CNTNAP2: variants seen among roughly 807,000 people sequenced by gnomAD.
CNTNAP2 encodes the protein contactin associated protein 2.
Under a neutral mutation model 155.2 loss-of-function variants are expected in CNTNAP2, and 98 were observed. The observed-to-expected ratio is 0.63, with a 90% CI of 0.54 to 0.75. The LOEUF (loss-of-function observed/expected upper bound fraction) is 0.75, where lower values mean the gene tolerates loss of function less well. Ranked by LOEUF, CNTNAP2 falls within the 30% of genes least tolerant of loss-of-function variation. CNTNAP2 has a pLI of 0.00. For synonymous variants in CNTNAP2, 651 were observed against 631.2 expected, an observed-to-expected ratio of 1.03 and a Z score of -0.47; for missense variants, 1,727 against 1,688.1, an observed-to-expected ratio of 1.02 and a Z score of -0.40.
intron 1 of CNTNAP2, among the ~76,000 whole-genome samples, chr7:146,463,442 A>G (rs1389910245): frequency 2.6e-5 from 4 of 152,120 alleles, no homozygotes; most frequent in African/African-American, 9.7e-5. Flanking sequence ...GTCCAGTGGA[A>G]TCAATATGTT....
intron 3 of CNTNAP2, among the ~76,000 whole-genome samples, chr7:146,878,643 T>C (rs1419555343): frequency 1.3e-5 from 2 of 152,148 alleles, no homozygotes; most frequent in Middle Eastern, 3.2e-3. Context: ...AGGCCCTTCA[T>C]AAATTGACAG....
At chr7:148,124,161 C>A (rs568640113) in intron 16 of CNTNAP2, among the ~76,000 whole-genome samples, 8 of 152,138 alleles carry the variant, frequency 5.3e-5, no homozygotes, top group Non-Finnish European at 1.0e-4. Context: ...GACCCAGCAT[C>A]GCAGCACCTC....
At chr7:146,925,400 T>G (rs1796587074) in intron 3 of CNTNAP2, among the ~76,000 whole-genome samples, 1 of 152,166 alleles carries the variant, frequency 6.6e-6, no homozygotes, top group African/African-American at 2.4e-5. Context: ...AAAAATGTAG[T>G]GGAAATCAAT....
chr7:147,248,485 T>C lies in CNTNAP2; in HGVS notation c.1349-51656T>C, dbSNP rs529410144. Among the ~76,000 whole-genome samples the C allele has an allele frequency of 7.2e-5, 11 of 152,230 alleles. No individual in the cohort carries two copies. In the East Asian group the frequency reaches 1.9e-3, roughly 27 times the overall value. Reference sequence around the variant, plus strand: ...ACAGGAGGATTGTCCTGGGTTAGGGTCAGTGGTATTTTCTCCATCCAGCTA... The same window carrying C: ...ACAGGAGGATTGTCCTGGGTTAGGGCCAGTGGTATTTTCTCCATCCAGCTA... On this transcript the variant is annotated intron_variant, in intron 8 of 23. Transcript: ENST00000361727.
intron 1 of CNTNAP2, among the ~76,000 whole-genome samples, chr7:146,413,691 C>T (rs1467459811): frequency 1.3e-5 from 2 of 152,148 alleles, no homozygotes; most frequent in Non-Finnish European, 2.9e-5. Context: ...TCCTCCTTCT[C>T]ATACTTTTCT....
rs1563108078 is a variant in CNTNAP2 at position 147,186,867 on chromosome 7, T to TTTA, written c.1348+54358_1348+54359insTTA. 2.1e-3 allele frequency among the ~76,000 whole-genome samples: 302 copies of TTTA among 141,882 alleles called. 12 individuals are homozygous for TTTA. Among genetic ancestry groups the TTTA allele is most frequent in the East Asian group, 4.9e-3 (24 of 4,876 alleles). 93.1% of individuals were successfully genotyped at this position (141,882 alleles called of 152,430 possible). ...GTTTGGTCCAGTTGAAGAAGGCACT[T>TTTA]GATCTTTTCGGGCTGACCAGTAGGT... is the stretch of plus-strand genomic sequence containing the variant. On this transcript the variant is annotated intron_variant, in intron 8 of 23. Coordinates refer to ENST00000361727, the MANE Select transcript of CNTNAP2 (RefSeq NM_014141.6).
At chr7:147,763,556 C>A (rs1797340491) in intron 13 of CNTNAP2, among the ~76,000 whole-genome samples, 1 of 151,882 alleles carries the variant, frequency 6.6e-6, no homozygotes, top group Admixed American at 6.6e-5. Flanking sequence ...TCTGGGGAGG[C>A]AAAGAGCCGT....
chr7:146,455,408 C>T (rs1796541332), intron 1 of CNTNAP2, among the ~76,000 whole-genome samples: 1 of 152,072 alleles, frequency 6.6e-6, no homozygotes. Context: ...GCTAAGTACC[C>T]GTATGCTTTT....
chr7:147,494,430 A>G (rs1236358228), intron 11 of CNTNAP2, among the ~76,000 whole-genome samples: 1 of 136,702 alleles, frequency 7.3e-6, no homozygotes, highest in Non-Finnish European at 1.5e-5. Flanking sequence ...AGACTCTTTC[A>G]ATAGTTTCAA....
At chr7:147,575,034 A>T (rs568208678) in intron 12 of CNTNAP2, among the ~76,000 whole-genome samples, 2 of 152,114 alleles carry the variant, frequency 1.3e-5, no homozygotes, top group South Asian at 4.1e-4. Context: ...CAGTGAGCAC[A>T]TATTCATTTA....
intron 8 of CNTNAP2, among the ~76,000 whole-genome samples, chr7:147,154,021 G>T (rs988804694): frequency 3.9e-5 from 6 of 151,974 alleles, no homozygotes; most frequent in African/African-American, 1.4e-4. Flanking sequence ...GTCAAGGATT[G>T]CTCTTCCAAG....
chr7:147,909,525 A>G (rs553298902), intron 14 of CNTNAP2, among the ~76,000 whole-genome samples: 78 of 152,330 alleles, frequency 5.1e-4, no homozygotes, highest in African/African-American at 1.7e-3. Context: ...TTGCCTGATT[A>G]TCTATGCTGG....
intron 4 of CNTNAP2, among the ~76,000 whole-genome samples, chr7:147,098,178 C>G (rs1800583404): frequency 6.6e-6 from 1 of 152,160 alleles, no homozygotes; most frequent in Non-Finnish European, 1.5e-5. Flanking sequence ...CCCTCACTAG[C>G]ACAGGAGTTA....
intron 21 of CNTNAP2, among the ~76,000 whole-genome samples, chr7:148,267,993 C>T (rs769040618): frequency 1.3e-5 from 2 of 152,142 alleles, no homozygotes; most frequent in Admixed American, 6.5e-5. Context: ...TCCCCATGTG[C>T]GACTGTGAAT....
intron 1 of CNTNAP2, among the ~76,000 whole-genome samples, chr7:146,370,484 C>T (rs553567444): frequency 6.6e-6 from 1 of 151,434 alleles, no homozygotes; most frequent in Non-Finnish European, 1.5e-5. Flanking sequence ...TAATGATTTT[C>T]ACTGTCAAAA....
At chr7:146,740,945 T>C (rs911694168) in intron 1 of CNTNAP2, among the ~76,000 whole-genome samples, 4 of 152,164 alleles carry the variant, frequency 2.6e-5, no homozygotes, top group African/African-American at 9.6e-5. Flanking sequence ...TGAGACCTGG[T>C]GTCCTGGTGG....
chr7:146,395,219 T>A (rs1795602663), intron 1 of CNTNAP2, among the ~76,000 whole-genome samples: 1 of 152,130 alleles, frequency 6.6e-6, no homozygotes, highest in African/African-American at 2.4e-5. Context: ...AGTGCAGGTA[T>A]CTTTTATAGA....
intron 1 of CNTNAP2, among the ~76,000 whole-genome samples, chr7:146,748,009 T>A (rs1287766240): frequency 6.7e-6 from 1 of 148,436 alleles, no homozygotes; most frequent in Non-Finnish European, 1.5e-5. Context: ...CCGTCTTTTC[T>A]CCTTTTTTTA....
intron 3 of CNTNAP2, among the ~76,000 whole-genome samples, chr7:146,991,682 A>T (rs547272395): frequency 1.1e-4 from 16 of 152,342 alleles, no homozygotes; most frequent in Admixed American, 5.9e-4. Flanking sequence ...AAAGTGCAAC[A>T]TAATGGTGAA....
Sources: gnomAD v4.1 joint callset for allele counts (sites outside exome capture counted in the v4.1 genomes callset) on GRCh38, gnomAD v4.1.1 for gene constraint, MANE v1.5 for transcripts, NCBI Gene and HGNC (gene_info 2026-07-23, HGNC 2026-07-21) for gene names.